CLEC19A: variants seen among roughly 807,000 people sequenced by gnomAD.
The protein encoded by CLEC19A is C-type lectin domain containing 19A.
In CLEC19A, 21 loss-of-function variants were observed where a neutral mutation model predicts 26.1. The ratio of observed to expected loss-of-function variants is 0.80; its 90% CI spans 0.57 to 1.16. CLEC19A has a LOEUF of 1.16. Ranked by LOEUF, CLEC19A falls within the 50% of genes most tolerant of loss-of-function variation. The probability of loss-of-function intolerance (pLI) is 0.00; values close to 1 mark genes in which losing one functional copy is unlikely to be tolerated. For synonymous variants in CLEC19A, 89 were observed against 88.6 expected, an observed-to-expected ratio of 1.00 and a Z score of -0.03; for missense variants, 224 against 227.6, an observed-to-expected ratio of 0.98 and a Z score of 0.10.
chr16:19,291,172 T>C (rs1433918128), intron 1 of CLEC19A, among the ~76,000 whole-genome samples: 1 of 152,240 alleles, frequency 6.6e-6, no homozygotes, highest in Non-Finnish European at 1.5e-5. Flanking sequence ...TTGGTCTTCA[T>C]AGACCATAAG....
chr16:19,291,432 C>T (rs1026303864), intron 1 of CLEC19A, among the ~76,000 whole-genome samples: 1 of 152,146 alleles, frequency 6.6e-6, no homozygotes, highest in African/African-American at 2.4e-5. Flanking sequence ...GGCAAGTTGG[C>T]CAACCTTTCT....
chr16:19,292,291 G>A (rs559075852), intron 1 of CLEC19A, among the ~76,000 whole-genome samples: 1 of 152,292 alleles, frequency 6.6e-6, no homozygotes, highest in Admixed American at 6.5e-5. Context: ...TGGAAGGCCT[G>A]GGGTGGGGCC....
intron 2 of CLEC19A, among the ~76,000 whole-genome samples, chr16:19,303,493 C>T (rs1216030284): frequency 6.6e-6 from 1 of 152,146 alleles, no homozygotes; most frequent in Non-Finnish European, 1.5e-5. Flanking sequence ...AGAATCCCCC[C>T]AAAAGACACC....
rs1414482651 is a variant in CLEC19A at position 19,310,032 on chromosome 16, T to C, written c.*949T>C. 1 of 152,180 alleles carries C rather than the reference T, an allele frequency of 6.6e-6. No individual in the cohort carries two copies. Among genetic ancestry groups the C allele is most frequent in the Non-Finnish European group, 1.5e-5 (1 of 68,042 alleles). The allele number at this position is 152,180 out of a possible 1,614,324, so 9.4% of individuals were successfully genotyped here. A position where few individuals can be genotyped will look rare whatever the true frequency, so the allele number is the denominator to read the frequency against. On this transcript the variant is annotated 3_prime_UTR_variant, in exon 5 of 5. Transcript: ENST00000636231. ...GAAAACAAAAAGATTACCAAACTCATAAATTGCTGGTGGGAATGTAAAATA... is the reference window on the plus strand; with the variant it reads ...GAAAACAAAAAGATTACCAAACTCACAAATTGCTGGTGGGAATGTAAAATA...
chr16:19,300,125 G>T (rs983206165), intron 2 of CLEC19A, among the ~76,000 whole-genome samples: 2 of 151,776 alleles, frequency 1.3e-5, no homozygotes, highest in African/African-American at 2.4e-5. Flanking sequence ...TCGGGAGGCT[G>T]GGGTAGGAGA....
chr16:19,288,008 T>C (rs1296995715), intron 1 of CLEC19A, among the ~76,000 whole-genome samples: 1 of 152,176 alleles, frequency 6.6e-6, no homozygotes, highest in South Asian at 2.1e-4. Flanking sequence ...GGGACTGAGA[T>C]TGTGTCAATC....
chr16:19,291,532 A>C (rs1334122203), intron 1 of CLEC19A, among the ~76,000 whole-genome samples: 1 of 152,190 alleles, frequency 6.6e-6, no homozygotes, highest in Admixed American at 6.5e-5. Flanking sequence ...TTCTGTATCA[A>C]GCATTTAACA....
At chr16:19,298,968 T>G in intron 2 of CLEC19A, 130 bp downstream of exon 2, 3 of 1,025,932 alleles carry the variant, frequency 2.9e-6, no homozygotes, top group Non-Finnish European at 4.1e-6. Flanking sequence ...AGATGGAGTC[T>G]TGCTATGTTG....
At chr16:19,290,319 C>A (rs1363587102) in intron 1 of CLEC19A, among the ~76,000 whole-genome samples, 5 of 151,584 alleles carry the variant, frequency 3.3e-5, no homozygotes, top group Non-Finnish European at 7.4e-5. Context: ...TTGTGCATCC[C>A]CTCCCCTCTG....
chr16:19,304,171 C>A lies in CLEC19A; in HGVS notation c.348+16C>A. The stretch of plus-strand genomic sequence containing the variant: ...TCACAGACAGGTGAGAAAGCAGTGG[C>A]CATTGGGCCCCCTTGGAAGCTCCAG... On this transcript the variant is annotated intron_variant, in intron 3 of 4. Transcript: ENST00000636231. 2 of 1,544,478 alleles carry A rather than the reference C, an allele frequency of 1.3e-6. No individual in the cohort carries two copies. Among genetic ancestry groups the A allele is most frequent in the East Asian group, 2.4e-5 (1 of 40,898 alleles).
intron 2 of CLEC19A, among the ~76,000 whole-genome samples, chr16:19,300,238 A>C (rs991264661): frequency 2.0e-5 from 3 of 151,466 alleles, no homozygotes; most frequent in Non-Finnish European, 4.4e-5. Context: ...ATAAATAAAT[A>C]AATAAATAAA....
At chr16:19,291,768 C>A (rs567317623) in intron 1 of CLEC19A, among the ~76,000 whole-genome samples, 1 of 152,152 alleles carries the variant, frequency 6.6e-6, no homozygotes, top group African/African-American at 2.4e-5. Flanking sequence ...AGTTAATGAT[C>A]GTTTTGGTGC....
chr16:19,288,122 G>C (rs573522456), intron 1 of CLEC19A, among the ~76,000 whole-genome samples: 1 of 152,332 alleles, frequency 6.6e-6, no homozygotes, highest in East Asian at 1.9e-4. Context: ...TGAGGCTACA[G>C]AGGCCAATTG....
intron 1 of CLEC19A, among the ~76,000 whole-genome samples, chr16:19,294,347 A>G (rs1897658675): frequency 6.6e-6 from 1 of 152,186 alleles, no homozygotes; most frequent in African/African-American, 2.4e-5. Flanking sequence ...AAACCAAGAT[A>G]GAGATAGAGA....
chr16:19,301,262 C>G (rs1395084422), intron 2 of CLEC19A, among the ~76,000 whole-genome samples: 1 of 152,166 alleles, frequency 6.6e-6, no homozygotes, highest in East Asian at 1.9e-4. Flanking sequence ...CCTGGGAGAA[C>G]AGGAACTTTG....
Position 19,296,556 on chromosome 16 carries a change from G to A in CLEC19A, c.89-2117G>A, listed in dbSNP as rs116668514. The stretch of plus-strand genomic sequence containing the variant: ...AAGACTGTGAACTATTCTTAGACCC[G>A]CTAATTTCCCATCATGAAGCATCAT... On this transcript the variant is annotated intron_variant, in intron 1 of 4. Coordinates refer to ENST00000636231, the MANE Select transcript of CLEC19A (RefSeq NM_001256720.2). Among the ~76,000 whole-genome samples, 598 of 152,212 alleles carry A rather than the reference G, an allele frequency of 3.9e-3. 6 individuals carry two copies. Among genetic ancestry groups the A allele is most frequent in the African/African-American group, 0.014 (579 of 41,538 alleles).
At chr16:19,295,028 A>T (rs1897676056) in intron 1 of CLEC19A, among the ~76,000 whole-genome samples, 1 of 152,100 alleles carries the variant, frequency 6.6e-6, no homozygotes, top group South Asian at 2.1e-4. Context: ...TACCCATTAG[A>T]TGCCATTAGC....
At chr16:19,301,766 T>TTTTTTTTTA (rs1291095115) in intron 2 of CLEC19A, among the ~76,000 whole-genome samples, 22 of 116,152 alleles carry the variant, frequency 1.9e-4, no homozygotes, top group Non-Finnish European at 2.9e-4. Context: ...TTTTTTTTTG[T>TTTTTTTTTA]ATTTTTAGCA....
In CLEC19A at chr16:19,309,035, C is replaced by A; in HGVS notation, c.513C>A (p.Ser171Arg). 1 of 1,548,354 alleles carries A rather than the reference C, an allele frequency of 6.5e-7. No homozygotes were observed. Among genetic ancestry groups the A allele is most frequent in the South Asian group, 1.2e-5 (1 of 83,964 alleles). Residue 171 changes from serine to arginine, a missense_variant, in exon 5 of 5, where the codon AGC becomes AGA. Ser to Arg is a moderately radical substitution (Grantham distance 110). Transcript: ENST00000636231. ...GGTCATGGAATGATAACACCTGCAGCCGGAAGTTCCCCTTTGTCTGCAAAA... is the reference window on the plus strand; with the variant it reads ...GGTCATGGAATGATAACACCTGCAGACGGAAGTTCCCCTTTGTCTGCAAAA... ...ALRSWNDNTCSRKFPFVCKIP... is the reference protein window; with the variant it reads ...ALRSWNDNTCRRKFPFVCKIP...
Sources: gnomAD v4.1 joint callset for allele counts (sites outside exome capture counted in the v4.1 genomes callset) on GRCh38, gnomAD v4.1.1 for gene constraint, MANE v1.5 for transcripts, NCBI Gene and HGNC (gene_info 2026-07-23, HGNC 2026-07-21) for gene names.